Variants in KLHL4 observed in about 807,000 individuals in gnomAD.
The protein encoded by KLHL4 is kelch-like protein 4.
In KLHL4, 17 loss-of-function variants were observed where a neutral mutation model predicts 45.8. The ratio of observed to expected loss-of-function variants is 0.37; its 90% CI spans 0.25 to 0.56. The LOEUF (loss-of-function observed/expected upper bound fraction) is 0.56, where lower values mean the gene tolerates loss of function less well. Among genes scored for constraint, KLHL4 ranks in the 20% least tolerant of loss-of-function variants. The pLI is 0.79. For missense variants in KLHL4, 544 were observed against 544.9 expected (o/e 1.00, Z 0.02); for synonymous variants, 224 against 189.9 (o/e 1.18, Z -1.47).
intron 9 of KLHL4, among the ~76,000 whole-genome samples, chrX:87,638,293 T>G: frequency 8.9e-6 from 1 of 111,775 alleles, no homozygotes; most frequent in Non-Finnish European, 1.9e-5. Context: ...AAGGAAAACT[T>G]CCCTGGCCTT....
At chrX:87,529,152 A>C (rs1015393619) in intron 1 of KLHL4, among the ~76,000 whole-genome samples, 2 of 111,817 alleles carry the variant, frequency 1.8e-5, no homozygotes, top group Non-Finnish European at 3.8e-5. Context: ...CTTCCTAAAC[A>C]AAAGCGGAGG....
At chrX:87,666,197 A>G (rs1459032058) in intron 10 of KLHL4, among the ~76,000 whole-genome samples, 1 of 111,297 alleles carries the variant, frequency 9.0e-6, no homozygotes, top group African/African-American at 3.3e-5. Flanking sequence ...TTGACGTGTT[A>G]GTATAATTTG....
intron 1 of KLHL4, among the ~76,000 whole-genome samples, chrX:87,569,725 G>C (rs1404560626): frequency 9.0e-6 from 1 of 111,479 alleles, no homozygotes; most frequent in Non-Finnish European, 1.9e-5. Flanking sequence ...AGATACAAAA[G>C]GTCACATGTT....
Position 87,635,738 on chromosome X carries a change from T to C in KLHL4, c.1888T>C (p.Ser630Pro). 8.3e-7 allele frequency: 1 copy of C among 1,203,671 alleles called. No homozygotes were observed. The highest frequency in any genetic ancestry group is 1.1e-6 in the Non-Finnish European group (1 of 889,420). Residue 630 changes from serine (S) to proline (P), a missense_variant, in exon 9 of 11, where the codon TCC (serine) becomes CCC (proline). Coordinates refer to ENST00000373119, the MANE Select transcript of KLHL4 (RefSeq NM_019117.5). Reference protein sequence around the residue: ...YVVGGHDAPASNHCSRLSDCV... With the variant: ...YVVGGHDAPAPNHCSRLSDCV... Reference sequence around the variant, plus strand: ...TGTAGGGGGGCATGATGCCCCTGCTTCCAACCATTGCTCCAGGCTTTCTGA... The same window carrying C: ...TGTAGGGGGGCATGATGCCCCTGCTCCCAACCATTGCTCCAGGCTTTCTGA...
intron 1 of KLHL4, among the ~76,000 whole-genome samples, chrX:87,535,046 A>G (rs1931400201): frequency 8.9e-6 from 1 of 112,084 alleles, no homozygotes; most frequent in Non-Finnish European, 1.9e-5. Context: ...TGAACTTACC[A>G]TAAATGATTA....
chrX:87,631,832 A>G (rs182388630), intron 6 of KLHL4, among the ~76,000 whole-genome samples: 184 of 112,752 alleles, frequency 1.6e-3, no homozygotes, highest in African/African-American at 5.6e-3. Flanking sequence ...GAATGGTCAT[A>G]AGTAATTAAA....
chrX:87,662,800 G>A (rs1924233785), intron 9 of KLHL4, among the ~76,000 whole-genome samples: 1 of 109,121 alleles, frequency 9.2e-6, no homozygotes, highest in South Asian at 4.0e-4. Context: ...CGTGGTGGCG[G>A]GCGCCTGTAG....
intron 1 of KLHL4, among the ~76,000 whole-genome samples, chrX:87,571,925 T>TA (rs1209051667): frequency 1.8e-5 from 2 of 110,764 alleles, no homozygotes; most frequent in Non-Finnish European, 3.8e-5. Context: ...TTACTGGAAT[T>TA]AAAAAATAAC....
Position 87,666,598 on chromosome X carries a change from G to C in KLHL4, c.*64G>C. 2 of 1,067,465 alleles carry C rather than the reference G, an allele frequency of 1.9e-6. No homozygotes were observed. Among genetic ancestry groups the C allele is most frequent in the Non-Finnish European group, 2.4e-6 (2 of 816,536 alleles). The allele number at this position is 1,067,465 out of a possible 1,213,427, so 88.0% of individuals were successfully genotyped here. On this transcript the variant is annotated 3_prime_UTR_variant, in exon 11 of 11. Coordinates refer to ENST00000373119, the MANE Select transcript of KLHL4 (RefSeq NM_019117.5). ...TTTCAAGAAACTGAGTAGGACAAAG[G>C]GAGAAAGAAATACATGTTCTTTTTC...
intron 1 of KLHL4, among the ~76,000 whole-genome samples, chrX:87,599,034 C>T (rs926453270): frequency 9.0e-6 from 1 of 110,559 alleles, no homozygotes; most frequent in Non-Finnish European, 1.9e-5. Flanking sequence ...TATGTGTTTA[C>T]ATAACATAAT....
intron 1 of KLHL4, among the ~76,000 whole-genome samples, chrX:87,594,014 T>C (rs1364717658): frequency 8.9e-6 from 1 of 111,932 alleles, no homozygotes; most frequent in Non-Finnish European, 1.9e-5. Flanking sequence ...AAAATGCCTA[T>C]TAAGTGAATT....
chrX:87,652,042 C>T (rs977002300), intron 9 of KLHL4, among the ~76,000 whole-genome samples: 3 of 112,680 alleles, frequency 2.7e-5, no homozygotes, highest in African/African-American at 9.7e-5. Flanking sequence ...CTTATGTGCA[C>T]TTGCAGGCTC....
intron 9 of KLHL4, among the ~76,000 whole-genome samples, chrX:87,648,322 A>G (rs1359556421): frequency 9.0e-6 from 1 of 111,566 alleles, no homozygotes; most frequent in Non-Finnish European, 1.9e-5. Context: ...TAGAATTTGT[A>G]TTTTGCAGGC....
At chrX:87,528,808 G>A (rs1290218353) in intron 1 of KLHL4, among the ~76,000 whole-genome samples, 1 of 104,306 alleles carries the variant, frequency 9.6e-6, no homozygotes, top group Non-Finnish European at 1.9e-5. Context: ...CACTTTCCAA[G>A]TATGGCATCT....
At chrX:87,628,204 T>C (rs1297420679) in intron 6 of KLHL4, among the ~76,000 whole-genome samples, 1 of 111,848 alleles carries the variant, frequency 8.9e-6, no homozygotes, top group Non-Finnish European at 1.9e-5. Flanking sequence ...TTACCGTTAC[T>C]TTGCACATCT....
At chrX:87,524,989 G>T (rs1269483939) in intron 1 of KLHL4, among the ~76,000 whole-genome samples, 6 of 111,805 alleles carry the variant, frequency 5.4e-5, no homozygotes, top group African/African-American at 1.9e-4. Context: ...TTGGCAACTA[G>T]TTAACGTAAT....
chrX:87,607,854 T>A (rs1421881513), intron 1 of KLHL4, among the ~76,000 whole-genome samples: 1 of 111,758 alleles, frequency 8.9e-6, no homozygotes, highest in Non-Finnish European at 1.9e-5. Flanking sequence ...TGGGGTGATA[T>A]CATTTAGTCC....
chrX:87,623,947 G>A lies in KLHL4; in HGVS notation c.1137+1524G>A, dbSNP rs899134281. 3.6e-5 allele frequency among the ~76,000 whole-genome samples: 4 copies of A among 111,695 alleles called. No individual in the cohort carries two copies. In the South Asian group the frequency reaches 1.1e-3, roughly 31 times the overall value. ...AAAATGTTCCTTGACCTGTGAACTT[G>A]TTAGAAACACAATTTCTCATGCCCC... On this transcript the variant is annotated intron_variant, in intron 5 of 10. Transcript: ENST00000373119.
intron 1 of KLHL4, among the ~76,000 whole-genome samples, chrX:87,582,117 G>A (rs916870753): frequency 1.8e-5 from 2 of 111,692 alleles, no homozygotes; most frequent in Middle Eastern, 4.2e-3. Flanking sequence ...CTCAAAGCTT[G>A]AAGCCTATCT....
Sources: allele counts gnomAD v4.1 joint callset (sites outside exome capture counted in the v4.1 genomes callset), GRCh38; gene constraint gnomAD v4.1.1; transcripts MANE v1.5; gene names NCBI Gene and HGNC (gene_info 2026-07-23, HGNC 2026-07-21).